Variants in DDX27 observed in about 807,000 individuals in gnomAD.
The protein encoded by DDX27 is DEAD-box helicase 27.
A neutral mutation model predicts 99.3 loss-of-function variants in DDX27; 42 were observed. The ratio of observed to expected loss-of-function variants is 0.42; its 90% confidence interval spans 0.33 to 0.55. The LOEUF (loss-of-function observed/expected upper bound fraction) is 0.55, where lower values mean the gene tolerates loss of function less well. Among genes scored for constraint, DDX27 ranks in the 20% least tolerant of loss-of-function variants. DDX27 has a pLI of 0.07. For missense variants in DDX27, 798 were observed against 976.8 expected (o/e 0.82, Z 2.44); for synonymous variants, 329 against 353.8 (o/e 0.93, Z 0.79).
intron 14 of DDX27, chr20:49,238,467 ATTTTT>A: frequency 6.9e-6 from 1 of 144,130 alleles, no homozygotes; most frequent in Non-Finnish European, 1.5e-5. Flanking sequence ...ATGATGGCTA[ATTTTT>A]TTTTTTTTTT....
intron 6 of DDX27, among the ~76,000 whole-genome samples, 153 bp from the exon 7 acceptor site, chr20:49,226,277 A>C (rs1460310240): frequency 6.6e-6 from 1 of 152,154 alleles, no homozygotes; most frequent in African/African-American, 2.4e-5. Context: ...CTAGAGCACC[A>C]CCTCACACAT....
Position 49,242,466 on chromosome 20 carries a change from G to A in DDX27, c.2117-128G>A, listed in dbSNP as rs1980511364. 1.9e-5 allele frequency: 21 copies of A among 1,087,928 alleles called. No individual in the cohort carries two copies. In the South Asian group the frequency reaches 2.8e-4, roughly 15 times the overall value. The allele number at this position is 1,087,928 out of a possible 1,614,324, so 67.4% of individuals were successfully genotyped here. A position where few individuals can be genotyped will look rare whatever the true frequency, so the allele number is the denominator to read the frequency against. On this transcript the variant is annotated intron_variant, in intron 18 of 20. Coordinates refer to ENST00000618172, the MANE Select transcript of DDX27 (RefSeq NM_017895.8). The stretch of plus-strand genomic sequence containing the variant: ...AGCTGCTACTTGGAGGAGCTGGTGA[G>A]GACAGAATGAAAATAGTCTTTGGAT...
At chr20:49,242,049 G>A (rs1980494385) in intron 17 of DDX27, 34 bp from the exon 18 acceptor site, 10 of 1,614,216 alleles carry the variant, frequency 6.2e-6, no homozygotes, top group Non-Finnish European at 7.6e-6. Flanking sequence ...GTGGCCTGGT[G>A]TGTTCCACAC....
At position 49,242,680 on chromosome 20, in the gene DDX27, G is replaced by A. The variant is rs1130146; in HGVS notation, c.2203G>A (p.Gly735Ser). ...GAAGGCCCTGAAACAGTATCGAGCT[G>A]GGTAGGATTTTAAGTCATCATGGAG... is the stretch of plus-strand genomic sequence containing the variant. ...SKKALKQYRA[G>S]PSFEERKQLG... The change falls in exon 19 of 21, where the codon GGC (glycine) becomes AGC (serine). Residue 735 changes from glycine to serine, a missense_variant and splice_region_variant. Physicochemically the swap from Gly to Ser is moderately conservative, Grantham distance 56. Coordinates refer to ENST00000618172, the MANE Select transcript of DDX27 (RefSeq NM_017895.8). The A allele has an allele frequency of 0.37, 599,961 of 1,611,206 alleles. 115,549 individuals carry two copies. Among genetic ancestry groups the A allele is most frequent in the Middle Eastern group, 0.41 (2,455 of 6,058 alleles).
rs1186241000 is a variant in DDX27 at position 49,243,615 on chromosome 20, ATCT to A, written c.2205-10_2205-8del. 9.9e-6 allele frequency: 16 copies of A among 1,613,728 alleles called. No individual in the cohort carries two copies. Among genetic ancestry groups the A allele is most frequent in the Admixed American group, 1.7e-5 (1 of 60,004 alleles). On this transcript the variant is annotated splice_polypyrimidine_tract_variant and intron_variant, in intron 19 of 20. Transcript: ENST00000618172. ...AACAGTTTGCTCATTTCAGCATGTC[ATCT>A]TCTCTCACAGCCCTTCCTTTGAAGA...
chr20:49,235,706 G>A (rs532055186), intron 12 of DDX27: 78 of 156,470 alleles, frequency 5.0e-4, no homozygotes, highest in Non-Finnish European at 9.7e-4. Flanking sequence ...TGAAGGGTGG[G>A]TGTAAATATC....
chr20:49,238,763 G>C, intron 14 of DDX27, 186 bp from the exon 15 acceptor site: 1 of 544,532 alleles, frequency 1.8e-6, no homozygotes, highest in East Asian at 3.2e-5. Flanking sequence ...CACTGTGCCT[G>C]GCTTTTTTTT....
chr20:49,233,658 T>C lies in DDX27; in HGVS notation c.1222T>C (p.Phe408Leu), dbSNP rs377514911. 2 of 1,613,588 alleles carry C rather than the reference T, an allele frequency of 1.2e-6. No homozygotes were observed. The highest frequency in any genetic ancestry group is 1.7e-6 in the Non-Finnish European group (2 of 1,179,910). Residue 408 changes from phenylalanine to leucine, a missense_variant, in exon 11 of 21, where the codon TTC becomes CTC. Phe to Leu is a conservative substitution (Grantham distance 22, BLOSUM62 0). Coordinates refer to ENST00000618172, the MANE Select transcript of DDX27 (RefSeq NM_017895.8). The stretch of plus-strand genomic sequence containing the variant: ...TGTGGCTCCCTTCCTGCGGCAGGAG[T>C]TCATCCGGATCCGGCCTAATCGTGA... ...TDVAPFLRQE[F>L]IRIRPNREGD...
At chr20:49,229,650 CTTTT>C (rs71186442) in intron 8 of DDX27, among the ~76,000 whole-genome samples, 2 of 134,340 alleles carry the variant, frequency 1.5e-5, no homozygotes, top group African/African-American at 2.8e-5. Context: ...CAGGCATTCT[CTTTT>C]TTTTTTTTTT....
At chr20:49,240,488 C>T (rs886243695) in intron 16 of DDX27, among the ~76,000 whole-genome samples, 11 of 152,002 alleles carry the variant, frequency 7.2e-5, no homozygotes, top group African/African-American at 2.4e-4. Context: ...AGTGCAGTGG[C>T]GCAATCTCGG....
chr20:49,222,969 A>G lies in DDX27; in HGVS notation c.253A>G (p.Thr85Ala). The change falls in exon 3 of 21, where the codon ACA becomes GCA. Residue 85 changes from threonine (T) to alanine (A), a missense_variant. By Grantham distance (58) the Thr-to-Ala change is moderately conservative. Around this residue, in one of 2 missense-constraint regions of DDX27, gnomAD observed 245 missense variants for 248.8 expected, o/e 0.98. Coordinates refer to ENST00000618172, the MANE Select transcript of DDX27 (RefSeq NM_017895.8). ...SQLKKKRAAT[T>A]LDEKIEKVRK... ...TTTTTATCTGCAGAGGGCAGCCACT[A>G]CATTAGATGAGAAGATTGAGAAAGT... 1 of 1,612,926 alleles carries G rather than the reference A, an allele frequency of 6.2e-7. No homozygotes were observed.
At chr20:49,231,571 T>A (rs910603620) in intron 9 of DDX27, among the ~76,000 whole-genome samples, 2 of 152,180 alleles carry the variant, frequency 1.3e-5, no homozygotes, top group Non-Finnish European at 2.9e-5. Flanking sequence ...TAGCCTGCAC[T>A]GGGGAGAGAA....
chr20:49,227,798 G>C (rs1176260205), intron 7 of DDX27, among the ~76,000 whole-genome samples: 1 of 151,330 alleles, frequency 6.6e-6, no homozygotes, highest in Non-Finnish European at 1.5e-5. Flanking sequence ...CCTGATCTCT[G>C]TGACCATGGC....
At chr20:49,226,562 GC>G in intron 7 of DDX27, 27 bp downstream of exon 7, 1 of 1,580,800 alleles carries the variant, frequency 6.3e-7, no homozygotes, top group Non-Finnish European at 8.7e-7. Context: ...CCCAGGGTGG[GC>G]AGAAGGGTGT....
chr20:49,219,644 G>C, intron 1 of DDX27, 103 bp downstream of exon 1: 1 of 1,258,986 alleles, frequency 7.9e-7, no homozygotes, highest in South Asian at 1.6e-5. Flanking sequence ...GCCAGCCCCG[G>C]AAGTTTCCCG....
intron 6 of DDX27, 39 bp from the exon 7 acceptor site, chr20:49,226,391 C>T: frequency 6.5e-7 from 1 of 1,549,730 alleles, no homozygotes; most frequent in African/African-American, 1.4e-5. Flanking sequence ...TGAGACTTCC[C>T]CCGCTCAACC....
At chr20:49,232,548 G>C (rs997604621) in intron 9 of DDX27, among the ~76,000 whole-genome samples, 3 of 152,092 alleles carry the variant, frequency 2.0e-5, no homozygotes, top group African/African-American at 7.2e-5. Flanking sequence ...CGGATCATGA[G>C]GTCAGGAGAT....
Position 49,243,924 on chromosome 20 carries a change from G to T in DDX27, c.*90G>T. 2 of 1,462,766 alleles carry T rather than the reference G, an allele frequency of 1.4e-6. No homozygotes were observed. Among genetic ancestry groups the T allele is most frequent in the Non-Finnish European group, 1.9e-6 (2 of 1,068,740 alleles). 90.6% of individuals were successfully genotyped at this position (1,462,766 alleles called of 1,614,324 possible). On this transcript the variant is annotated 3_prime_UTR_variant, in exon 21 of 21. Transcript: ENST00000618172. ...TGGCTGGTCTGTCTTTTCTCCATTTGTTTAAAAAAAAAACAAAAACAAAAA... is the reference window on the plus strand; with the variant it reads ...TGGCTGGTCTGTCTTTTCTCCATTTTTTTAAAAAAAAAACAAAAACAAAAA...
At chr20:49,220,152 A>G (rs980802436) in intron 1 of DDX27, among the ~76,000 whole-genome samples, 3 of 152,136 alleles carry the variant, frequency 2.0e-5, no homozygotes, top group Non-Finnish European at 4.4e-5. Context: ...CAGATGTCCC[A>G]TGGCCTCTAC....
Sources: allele counts gnomAD v4.1 joint callset (sites outside exome capture counted in the v4.1 genomes callset), GRCh38; gene constraint gnomAD v4.1.1; regional missense constraint gnomAD v4.1.1; transcripts MANE v1.5; gene names NCBI Gene and HGNC (gene_info 2026-07-23, HGNC 2026-07-21).